The following EGLN1 variants were observed in gnomAD, a reference collection of about 807,000 sequenced individuals.
EGLN1 encodes the protein egl-9 family hypoxia inducible factor 1.
Under a neutral mutation model 38.3 loss-of-function variants are expected in EGLN1, and 17 were observed. The observed-to-expected ratio is 0.44, with a 90% CI of 0.30 to 0.67. The LOEUF is 0.67. EGLN1 is among the 30% of genes least tolerant of loss of function. The pLI is 0.08. For missense variants in EGLN1, 477 were observed against 603.3 expected (o/e 0.79, Z 2.19); for synonymous variants, 283 against 257.5 (o/e 1.10, Z -0.95).
intron 1 of EGLN1, among the ~76,000 whole-genome samples, chr1:231,408,775 G>C (rs1344754451): frequency 6.6e-6 from 1 of 152,142 alleles, no homozygotes; most frequent in Non-Finnish European, 1.5e-5. Context: ...GGAAGTGCCA[G>C]AGGAACAGAC....
At chr1:231,393,973 G>C (rs1487435224) in intron 1 of EGLN1, among the ~76,000 whole-genome samples, 1 of 152,196 alleles carries the variant, frequency 6.6e-6, no homozygotes, top group Non-Finnish European at 1.5e-5. Flanking sequence ...ATAAAAACAA[G>C]GGCAGGATTC....
chr1:231,383,327 A>G (rs772229935), intron 1 of EGLN1, among the ~76,000 whole-genome samples: 12 of 152,140 alleles, frequency 7.9e-5, no homozygotes, highest in Non-Finnish European at 1.5e-4. Flanking sequence ...TAATACCCGT[A>G]AACAACTACT....
chr1:231,421,023 C>T lies in EGLN1; in HGVS notation c.866G>A (p.Ser289Asn). ...LIRHCNGKLG[S>N]YKINGRTKAM... The stretch of plus-strand genomic sequence containing the variant: ...TTTCGTCCGGCCATTGATTTTGTAG[C>T]TGCCCAGCTTCCCGTTACAGTGGCG... Residue 289 changes from serine (S) to asparagine (N), a missense_variant, in exon 1 of 5, where the codon AGC becomes AAC. This residue lies in a region of EGLN1 where 119 missense variants were observed against 179.0 expected (regional missense o/e 0.66). Transcript: ENST00000366641. This position sits in a 1 kb window ranked among gnomAD's most constrained non-coding sequence, Gnocchi z 5.5. 1 of 1,614,058 alleles carries T rather than the reference C, an allele frequency of 6.2e-7. No homozygotes were observed. Among genetic ancestry groups the T allele is most frequent in the South Asian group, 1.1e-5 (1 of 91,078 alleles).
intron 1 of EGLN1, among the ~76,000 whole-genome samples, chr1:231,410,922 G>C (rs1339345294): frequency 1.3e-5 from 2 of 151,948 alleles, no homozygotes; most frequent in Non-Finnish European, 2.9e-5. Context: ...TTTCAGAGTA[G>C]ACCTAACAGA....
At chr1:231,420,637 G>C (rs1235001502) in intron 1 of EGLN1, among the ~76,000 whole-genome samples, 2 of 152,114 alleles carry the variant, frequency 1.3e-5, no homozygotes, top group Non-Finnish European at 2.9e-5. Context: ...GCTTTGGGTG[G>C]TACTCTAACA....
chr1:231,395,678 A>T (rs1335373949), intron 1 of EGLN1, among the ~76,000 whole-genome samples: 1 of 152,192 alleles, frequency 6.6e-6, no homozygotes, highest in African/African-American at 2.4e-5. Context: ...AAAATATTCC[A>T]TGGCACCCTT....
At chr1:231,397,363 G>A (rs146859697) in intron 1 of EGLN1, among the ~76,000 whole-genome samples, 113 of 152,300 alleles carry the variant, frequency 7.4e-4, no homozygotes, top group Middle Eastern at 3.4e-3. Context: ...GTAAAATTAC[G>A]TTCAAGGAAG....
At chr1:231,420,501 G>C (rs1439083078) in intron 1 of EGLN1, among the ~76,000 whole-genome samples, 1 of 151,986 alleles carries the variant, frequency 6.6e-6, no homozygotes, top group Non-Finnish European at 1.5e-5. Context: ...ACCTTTTTGC[G>C]GTCAGCCGGC....
At chr1:231,377,979 T>C (rs1687999145) in intron 1 of EGLN1, among the ~76,000 whole-genome samples, 1 of 152,244 alleles carries the variant, frequency 6.6e-6, no homozygotes, top group African/African-American at 2.4e-5. Context: ...TTAAGTTCTA[T>C]AATTCCCAGT....
Position 231,420,986 on chromosome 1 carries a change from G to GCA in EGLN1, c.891+10_891+11dup. 1.9e-6 allele frequency: 3 copies of GCA among 1,613,932 alleles called. No individual in the cohort carries two copies. In the African/African-American group the frequency reaches 4.0e-5, roughly 22 times the overall value. On this transcript the variant is annotated intron_variant, in intron 1 of 4. Transcript: ENST00000366641. The stretch of plus-strand genomic sequence containing the variant: ...AGGGCCTGTCCAGCACAAACCCGCA[G>GCA]CACACACTTACTTTCGTCCGGCCAT...
chr1:231,372,102 T>C (rs1558378850), intron 2 of EGLN1, among the ~76,000 whole-genome samples: 1 of 152,224 alleles, frequency 6.6e-6, no homozygotes, highest in Non-Finnish European at 1.5e-5. Context: ...GGTGACCTGC[T>C]GAAAATGTTT....
chr1:231,387,731 C>G (rs1319229590), intron 1 of EGLN1, among the ~76,000 whole-genome samples: 1 of 152,166 alleles, frequency 6.6e-6, no homozygotes, highest in Non-Finnish European at 1.5e-5. Context: ...ACAAGATTTT[C>G]ATAACAACTA....
At chr1:231,411,836 A>C (rs1461630497) in intron 1 of EGLN1, among the ~76,000 whole-genome samples, 2 of 151,592 alleles carry the variant, frequency 1.3e-5, no homozygotes. Flanking sequence ...GTCTCTACTA[A>C]ACATACAAAA....
chr1:231,397,132 C>T (rs538344364), intron 1 of EGLN1, among the ~76,000 whole-genome samples: 1 of 152,270 alleles, frequency 6.6e-6, no homozygotes, highest in Non-Finnish European at 1.5e-5. Context: ...GCTCCCAATG[C>T]CTAGCAGTGC....
chr1:231,375,063 T>G, intron 1 of EGLN1, among the ~76,000 whole-genome samples: 1 of 152,210 alleles, frequency 6.6e-6, no homozygotes, highest in East Asian at 1.9e-4. Context: ...GCTATTCTTG[T>G]TTTTGTTTGT....
At position 231,400,050 on chromosome 1, in the gene EGLN1, G is replaced by A. The variant is rs183958228; in HGVS notation, c.891+20948C>T. ...AGGTAAGAGAATATTAATCTATAGG[G>A]TTAAAACTATCAAGAAAATATAAAC... On this transcript the variant is annotated intron_variant, in intron 1 of 4. Coordinates refer to ENST00000366641, the MANE Select transcript of EGLN1 (RefSeq NM_022051.3). Among the ~76,000 whole-genome samples the A allele has an allele frequency of 5.2e-4, 79 of 152,254 alleles. No homozygotes were observed. The South Asian group carries it at 5.4e-3, about 10-fold the overall frequency.
chr1:231,402,452 T>TTTTTTTTTTTTTTATTTTTATG (rs1688686611), intron 1 of EGLN1, among the ~76,000 whole-genome samples: 1 of 151,578 alleles, frequency 6.6e-6, no homozygotes. Context: ...TTTTTTTTTT[T>TTTTTTTTTTTTTTATTTTTATG]GAGATGGAGT....
chr1:231,419,460 T>C (rs188675235), intron 1 of EGLN1, among the ~76,000 whole-genome samples: 2 of 152,344 alleles, frequency 1.3e-5, no homozygotes, highest in Admixed American at 1.3e-4. Flanking sequence ...GTCCCAACTA[T>C]ATACTTTGGT....
chr1:231,376,620 A>G (rs1012668765), intron 1 of EGLN1, among the ~76,000 whole-genome samples: 2 of 152,186 alleles, frequency 1.3e-5, no homozygotes, highest in Non-Finnish European at 2.9e-5. Context: ...TTGCCCTCAG[A>G]TAAGAGGGGA....
Sources: gnomAD v4.1 joint callset for allele counts (sites outside exome capture counted in the v4.1 genomes callset) on GRCh38, gnomAD v4.1.1 for gene constraint, gnomAD v4.1.1 regional missense constraint, Gnocchi (gnomAD v3.1) non-coding constraint, MANE v1.5 for transcripts, NCBI Gene and HGNC (gene_info 2026-07-23, HGNC 2026-07-21) for gene names.